Variants in CHRM3 observed in about 807,000 individuals in gnomAD.
CHRM3 encodes muscarinic acetylcholine receptor M3.
Under a neutral mutation model 41.8 loss-of-function variants are expected in CHRM3, and 11 were observed. That is an observed-to-expected ratio of 0.26 (90% confidence interval 0.17 to 0.44). CHRM3 has a LOEUF of 0.44. Among genes scored for constraint, CHRM3 ranks in the 20% least tolerant of loss-of-function variants. The probability of loss-of-function intolerance (pLI) is 1.00; values close to 1 mark genes in which losing one functional copy is unlikely to be tolerated. For synonymous variants in CHRM3, 297 were observed against 301.4 expected, an observed-to-expected ratio of 0.99 and a Z score of 0.15; for missense variants, 571 against 745.4, an observed-to-expected ratio of 0.77 and a Z score of 2.72.
intron 2 of CHRM3, among the ~76,000 whole-genome samples, chr1:239,539,688 G>C (rs1485336535): frequency 6.6e-6 from 1 of 152,088 alleles, no homozygotes; most frequent in South Asian, 2.1e-4. Flanking sequence ...GGAGTGCAGG[G>C]GCCCCATCTT....
intron 5 of CHRM3, among the ~76,000 whole-genome samples, chr1:239,774,711 G>A (rs548501332): frequency 2.1e-4 from 32 of 152,276 alleles, no homozygotes; most frequent in South Asian, 1.5e-3. Flanking sequence ...AGAAGGATAT[G>A]GGGGAAGTCC....
intron 6 of CHRM3, among the ~76,000 whole-genome samples, chr1:239,842,231 G>A (rs1673868408): frequency 6.7e-6 from 1 of 149,200 alleles, no homozygotes; most frequent in Admixed American, 6.6e-5. Context: ...TTTTTTTGAG[G>A]GGGTTGGGGG....
At chr1:239,488,713 TCAAAAAAAAAAAA>T (rs1390082953) in intron 1 of CHRM3, among the ~76,000 whole-genome samples, 1 of 44,912 alleles carries the variant, frequency 2.2e-5, no homozygotes, top group Non-Finnish European at 3.3e-5. Context: ...AGACTCCTTC[TCAAAAAAAAAAAA>T]AAAAAAAAAA....
intron 4 of CHRM3, among the ~76,000 whole-genome samples, chr1:239,644,575 C>T (rs1056796195): frequency 3.3e-5 from 5 of 152,186 alleles, no homozygotes; most frequent in African/African-American, 1.2e-4. Flanking sequence ...ATTCCAGGGA[C>T]TTGGTTATGT....
At chr1:239,506,731 A>G (rs1668596614) in intron 2 of CHRM3, among the ~76,000 whole-genome samples, 1 of 152,158 alleles carries the variant, frequency 6.6e-6, no homozygotes, top group South Asian at 2.1e-4. Context: ...ACTTGCCCCA[A>G]GCACCTACAA....
intron 1 of CHRM3, among the ~76,000 whole-genome samples, chr1:239,407,417 T>TATATATATAGAGAGAGAG: frequency 7.5e-6 from 1 of 134,112 alleles, no homozygotes. Flanking sequence ...TATATATATA[T>TATATATATAGAGAGAGAG]AGAGAGAGAG....
intron 6 of CHRM3, among the ~76,000 whole-genome samples, chr1:239,889,034 C>T (rs1307016841): frequency 6.6e-6 from 1 of 152,096 alleles, no homozygotes; most frequent in African/African-American, 2.4e-5. Flanking sequence ...GTCTCATGGC[C>T]AGGGAAGTCA....
intron 5 of CHRM3, among the ~76,000 whole-genome samples, chr1:239,727,211 C>T (rs1388863406): frequency 6.6e-6 from 1 of 151,882 alleles, no homozygotes; most frequent in Non-Finnish European, 1.5e-5. Flanking sequence ...AAATGGAGAG[C>T]TATAGTCTGC....
At chr1:239,528,208 A>C (rs1036163771) in intron 2 of CHRM3, among the ~76,000 whole-genome samples, 2 of 152,226 alleles carry the variant, frequency 1.3e-5, no homozygotes, top group Non-Finnish European at 2.9e-5. Context: ...GCTCATAGAC[A>C]GACCTCTTTG....
intron 5 of CHRM3, among the ~76,000 whole-genome samples, chr1:239,822,520 A>T (rs1378568404): frequency 6.6e-6 from 1 of 152,144 alleles, no homozygotes; most frequent in Non-Finnish European, 1.5e-5. Flanking sequence ...TATTCTACAT[A>T]AACCAAATCA....
chr1:239,795,119 A>G (rs546224806), intron 5 of CHRM3, among the ~76,000 whole-genome samples: 3 of 152,208 alleles, frequency 2.0e-5, no homozygotes, highest in Non-Finnish European at 4.4e-5. Context: ...GTGAAAAACA[A>G]TGTATTTTTT....
intron 3 of CHRM3, among the ~76,000 whole-genome samples, chr1:239,607,633 A>T (rs1666496197): frequency 6.6e-6 from 1 of 152,204 alleles, no homozygotes; most frequent in Admixed American, 6.5e-5. Context: ...TCTCACCAAA[A>T]TACTATTAAT....
chr1:239,834,271 T>G (rs1375784002), intron 6 of CHRM3, among the ~76,000 whole-genome samples: 1 of 149,548 alleles, frequency 6.7e-6, no homozygotes, highest in Non-Finnish European at 1.5e-5. Flanking sequence ...AATACTCAAC[T>G]CTCTACCATA....
intron 5 of CHRM3, among the ~76,000 whole-genome samples, chr1:239,794,504 C>T (rs2148882619): frequency 6.6e-6 from 1 of 151,988 alleles, no homozygotes; most frequent in East Asian, 1.9e-4. Context: ...AGATTTCAGC[C>T]ATTAGAGCAA....
At chr1:239,643,754 A>G (rs1671465987) in intron 4 of CHRM3, among the ~76,000 whole-genome samples, 1 of 152,186 alleles carries the variant, frequency 6.6e-6, no homozygotes, top group African/African-American at 2.4e-5. Flanking sequence ...GCTTTGGCTC[A>G]TGCACGGTGC....
At chr1:239,720,992 G>A (rs1299831454) in intron 5 of CHRM3, among the ~76,000 whole-genome samples, 1 of 151,728 alleles carries the variant, frequency 6.6e-6, no homozygotes, top group Non-Finnish European at 1.5e-5. Context: ...ATTTAAGCAA[G>A]GTCTTCATAA....
intron 5 of CHRM3, among the ~76,000 whole-genome samples, chr1:239,823,479 G>C (rs1383736848): frequency 6.6e-6 from 1 of 152,068 alleles, no homozygotes; most frequent in Non-Finnish European, 1.5e-5. Flanking sequence ...GCTTATGCTG[G>C]TTTTCTATGC....
intron 5 of CHRM3, among the ~76,000 whole-genome samples, chr1:239,809,989 C>A (rs2148974847): frequency 6.6e-6 from 1 of 152,306 alleles, no homozygotes; most frequent in Admixed American, 6.5e-5. Context: ...TATTGCAGAT[C>A]TTTATCTTGA....
intron 1 of CHRM3, among the ~76,000 whole-genome samples, chr1:239,483,792 C>T (rs1667015954): frequency 6.6e-6 from 1 of 152,140 alleles, no homozygotes. Flanking sequence ...AGGTTGTTGG[C>T]AAACCGCTCC....
Sources: allele counts gnomAD v4.1 joint callset (sites outside exome capture counted in the v4.1 genomes callset), GRCh38; gene constraint gnomAD v4.1.1; transcripts MANE v1.5; gene names NCBI Gene and HGNC (gene_info 2026-07-23, HGNC 2026-07-21).